Variants in SHTN1 observed in about 807,000 individuals in gnomAD.
SHTN1 encodes shootin-1.
A neutral mutation model predicts 83.1 loss-of-function variants in SHTN1; 42 were observed. The observed-to-expected ratio is 0.51, with a 90% CI of 0.39 to 0.65. SHTN1 has a LOEUF of 0.65. Ranked by LOEUF, SHTN1 falls within the 30% of genes least tolerant of loss-of-function variation. SHTN1 has a pLI of 0.00. For synonymous variants in SHTN1, 224 were observed against 247.7 expected (o/e 0.90, Z 0.90); for missense variants, 622 against 737.8 (o/e 0.84, Z 1.82).
intron 2 of SHTN1, among the ~76,000 whole-genome samples, chr10:117,044,513 G>T (rs534050294): frequency 1.3e-5 from 2 of 152,206 alleles, no homozygotes; most frequent in East Asian, 3.9e-4. Context: ...TCTCAAAACT[G>T]CAATAAATAC....
intron 4 of SHTN1, among the ~76,000 whole-genome samples, chr10:116,958,979 T>C (rs1219116983): frequency 6.6e-6 from 1 of 152,128 alleles, no homozygotes; most frequent in African/African-American, 2.4e-5. Flanking sequence ...TACTTGTTAA[T>C]AACAAGAAAA....
chr10:117,070,679 T>C (rs1554936037), intron 1 of SHTN1, among the ~76,000 whole-genome samples: 1 of 151,228 alleles, frequency 6.6e-6, no homozygotes, highest in African/African-American at 2.4e-5. Flanking sequence ...ACGCCTGACT[T>C]GCATCCACTC....
intron 2 of SHTN1, among the ~76,000 whole-genome samples, chr10:117,041,654 AC>A (rs1852586087): frequency 6.6e-6 from 1 of 152,176 alleles, no homozygotes; most frequent in African/African-American, 2.4e-5. Context: ...GGTTAGGTGA[AC>A]GTGTAACTTT....
At chr10:116,914,374 A>C (rs372752210) in intron 13 of SHTN1, among the ~76,000 whole-genome samples, 28 of 152,174 alleles carry the variant, frequency 1.8e-4, no homozygotes, top group Middle Eastern at 3.4e-3. Flanking sequence ...TGGGAGGCTG[A>C]GGCAGGAGAA....
intron 3 of SHTN1, among the ~76,000 whole-genome samples, chr10:116,967,684 C>A (rs1195559125): frequency 6.6e-6 from 1 of 152,142 alleles, no homozygotes; most frequent in Non-Finnish European, 1.5e-5. Flanking sequence ...GCTATAGGCA[C>A]AATGCTCTAT....
intron 10 of SHTN1, 113 bp from the exon 11 acceptor site, chr10:116,928,004 CAAAATT>C (rs1848809581): frequency 1.6e-6 from 2 of 1,218,866 alleles, no homozygotes; most frequent in Non-Finnish European, 2.3e-6. Flanking sequence ...TTTATTAAGG[CAAAATT>C]AGAAATTTCA....
intron 1 of SHTN1, among the ~76,000 whole-genome samples, chr10:116,988,921 A>G (rs1851318541): frequency 6.6e-6 from 1 of 152,204 alleles, no homozygotes; most frequent in Admixed American, 6.5e-5. Flanking sequence ...TTCCTTCTAC[A>G]TCTTGAGGCA....
chr10:117,082,615 T>G lies in SHTN1; in HGVS notation c.-188-34105A>C, dbSNP rs543858733. 3.6e-3 allele frequency among the ~76,000 whole-genome samples: 540 copies of G among 152,076 alleles called. 2 individuals carry two copies. The highest frequency in any genetic ancestry group is 6.4e-3 in the Admixed American group (98 of 15,276). The stretch of plus-strand genomic sequence containing the variant: ...TTGTTGAATTTCTGTCTCATTGATC[T>G]GTCTAATGTTGACAGTGGGGTGTTA... On this transcript the variant is annotated intron_variant, in intron 1 of 17. Coordinates refer to the SHTN1 transcript ENST00000392901.
intron 1 of SHTN1, among the ~76,000 whole-genome samples, chr10:117,064,911 C>T (rs541362209): frequency 1.3e-5 from 2 of 152,290 alleles, no homozygotes; most frequent in Admixed American, 6.5e-5. Context: ...GAAAAGGTTT[C>T]TTTCGGGAGG....
In SHTN1 at chr10:116,883,558, AG is replaced by A. The variant is rs1847082446; in HGVS notation, c.*2785del. 6.6e-6 allele frequency: 1 copy of A among 152,308 alleles called. No homozygotes were observed. Among genetic ancestry groups the A allele is most frequent in the Admixed American group, 6.5e-5 (1 of 15,288 alleles). 9.4% of individuals were successfully genotyped at this position (152,308 alleles called of 1,614,324 possible). On this transcript the variant is annotated 3_prime_UTR_variant, in exon 17 of 17. Coordinates refer to ENST00000355371, the MANE Select transcript of SHTN1 (RefSeq NM_001127211.3). ...AACTGAACAGGTAGAGTATGCATTT[AG>A]AAAAATAATCCAGACTTGAAGGCTG... is the stretch of plus-strand genomic sequence containing the variant.
rs1847147875 is a variant in SHTN1 at position 116,885,823 on chromosome 10, GT to G, written c.*520del. On this transcript the variant is annotated 3_prime_UTR_variant, in exon 17 of 17. Transcript: ENST00000355371. ...TTTGATGCCAGCTCCTGAGTTTTCA[GT>G]TTATCTCAGTCTACTGTAGAAAATA... is the stretch of plus-strand genomic sequence containing the variant. 1 of 154,192 alleles carries G rather than the reference GT, an allele frequency of 6.5e-6. No individual in the cohort carries two copies. Among genetic ancestry groups the G allele is most frequent in the African/African-American group, 2.4e-5 (1 of 41,448 alleles). 9.6% of individuals were successfully genotyped at this position (154,192 alleles called of 1,614,324 possible). A position where few individuals can be genotyped will look rare whatever the true frequency, so the allele number is the denominator to read the frequency against.
intron 2 of SHTN1, among the ~76,000 whole-genome samples, chr10:117,012,607 GATAATAGACCAAA>G (rs1363114932): frequency 1.3e-5 from 2 of 151,862 alleles, no homozygotes; most frequent in African/African-American, 4.8e-5. Flanking sequence ...ACTCAAAATG[GATAATAGACCAAA>G]ATGTAAAACC....
chr10:116,903,620 C>T (rs1847840119), intron 15 of SHTN1, among the ~76,000 whole-genome samples: 1 of 152,080 alleles, frequency 6.6e-6, no homozygotes, highest in Non-Finnish European at 1.5e-5. Context: ...ACAGAAAGAT[C>T]AATTAATTTT....
chr10:117,093,467 A>ATCATGCC (rs1853462654), intron 1 of SHTN1, among the ~76,000 whole-genome samples: 1 of 152,204 alleles, frequency 6.6e-6, no homozygotes, highest in African/African-American at 2.4e-5. Context: ...ATAAGCCGAG[A>ATCATGCC]TCATGCCACT....
At chr10:117,069,309 C>T (rs1166724651) in intron 1 of SHTN1, among the ~76,000 whole-genome samples, 1 of 152,096 alleles carries the variant, frequency 6.6e-6, no homozygotes, top group Admixed American at 6.5e-5. Context: ...TAGTGGGCAC[C>T]AATCTCGGAT....
At chr10:116,914,838 G>A (rs963994258) in intron 13 of SHTN1, among the ~76,000 whole-genome samples, 1 of 152,126 alleles carries the variant, frequency 6.6e-6, no homozygotes, top group Non-Finnish European at 1.5e-5. Flanking sequence ...TTTTCTCCTC[G>A]AAGTGACTTG....
At chr10:117,028,892 C>T (rs1398061462) in intron 2 of SHTN1, among the ~76,000 whole-genome samples, 1 of 152,190 alleles carries the variant, frequency 6.6e-6, no homozygotes, top group African/African-American at 2.4e-5. Flanking sequence ...GATTGGAATG[C>T]AGAGCCCCCA....
intron 2 of SHTN1, among the ~76,000 whole-genome samples, chr10:117,037,668 A>G (rs1046555485): frequency 6.6e-6 from 1 of 152,200 alleles, no homozygotes; most frequent in African/African-American, 2.4e-5. Flanking sequence ...ATAAAGCTAC[A>G]ATAGTGAAGA....
At chr10:117,037,181 G>C (rs930240675) in intron 2 of SHTN1, among the ~76,000 whole-genome samples, 1 of 152,110 alleles carries the variant, frequency 6.6e-6, no homozygotes, top group Non-Finnish European at 1.5e-5. Context: ...GTTCATGCCT[G>C]TAGTCCCAGT....
Sources: allele counts gnomAD v4.1 joint callset (sites outside exome capture counted in the v4.1 genomes callset), GRCh38; gene constraint gnomAD v4.1.1; transcripts MANE v1.5; gene names NCBI Gene and HGNC (gene_info 2026-07-23, HGNC 2026-07-21).